The following CSMD1 variants were observed in gnomAD, a reference collection of about 807,000 sequenced individuals.
The protein encoded by CSMD1 is CUB and Sushi multiple domains 1.
Under a neutral mutation model 417.5 loss-of-function variants are expected in CSMD1, and 213 were observed. That is an observed-to-expected ratio of 0.51 (90% CI 0.46 to 0.57). CSMD1 has a LOEUF of 0.57. Ranked by LOEUF, CSMD1 falls within the 20% of genes least tolerant of loss-of-function variation. The pLI, the probability that CSMD1 is intolerant of heterozygous loss-of-function variation, is 0.00. For missense variants in CSMD1, 6,923 were observed against 4,529.7 expected, an observed-to-expected ratio of 1.53 and a Z score of -15.17; for synonymous variants, 2,862 against 1,736.8, an observed-to-expected ratio of 1.65 and a Z score of -16.11.
intron 24 of CSMD1, among the ~76,000 whole-genome samples, chr8:3,308,038 G>A (rs561653956): frequency 6.6e-6 from 1 of 151,814 alleles, no homozygotes; most frequent in Admixed American, 6.6e-5. Flanking sequence ...AGAGCATAAA[G>A]CAATAAGACA....
chr8:3,951,472 G>C (rs1365714700), intron 5 of CSMD1, among the ~76,000 whole-genome samples: 1 of 152,076 alleles, frequency 6.6e-6, no homozygotes, highest in Admixed American at 6.6e-5. Context: ...TCCGCTTGTG[G>C]GATTCCAACT....
intron 5 of CSMD1, among the ~76,000 whole-genome samples, chr8:3,841,969 C>A (rs1346261459): frequency 6.6e-6 from 1 of 152,176 alleles, no homozygotes; most frequent in African/African-American, 2.4e-5. Flanking sequence ...CTTCCAAAAG[C>A]AGTTTTTTTC....
rs530709828 is a variant in CSMD1 at position 4,362,827 on chromosome 8, G to A, written c.415+57126C>T. 1.7e-3 allele frequency among the ~76,000 whole-genome samples: 259 copies of A among 152,132 alleles called. 1 individual carries two copies. Among genetic ancestry groups the A allele is most frequent in the African/African-American group, 6.0e-3 (250 of 41,512 alleles). On this transcript the variant is annotated intron_variant, in intron 3 of 69. Coordinates refer to ENST00000635120, the MANE Select transcript of CSMD1 (RefSeq NM_033225.6). ...TATTGTAGTTTGATTTTATAATATG[G>A]GATAGTTGTTCCCCATTGGTTATCA...
At position 4,200,635 on chromosome 8, in the gene CSMD1, T is replaced by A. The variant is rs755469702; in HGVS notation, c.416-168536A>T. On this transcript the variant is annotated intron_variant, in intron 3 of 69. Coordinates refer to ENST00000635120, the MANE Select transcript of CSMD1 (RefSeq NM_033225.6). ...ACTTTGTAGGCTGAGGTGGGAGGATTTCTTGAGACTAAGAGTTCAAGACCA... is the reference window on the plus strand; with the variant it reads ...ACTTTGTAGGCTGAGGTGGGAGGATATCTTGAGACTAAGAGTTCAAGACCA... Among the ~76,000 whole-genome samples the A allele has an allele frequency of 2.4e-4, 36 of 152,252 alleles. 1 individual carries two copies. The highest frequency in any genetic ancestry group is 4.1e-4 in the Non-Finnish European group (28 of 68,024).
chr8:3,283,361 C>T (rs1584926763), intron 26 of CSMD1, among the ~76,000 whole-genome samples: 1 of 152,008 alleles, frequency 6.6e-6, no homozygotes, highest in Admixed American at 6.6e-5. Flanking sequence ...ATAGGCTCTA[C>T]ATTTATGTAG....
chr8:3,732,302 A>C (rs1362411586), intron 6 of CSMD1, among the ~76,000 whole-genome samples: 7 of 152,202 alleles, frequency 4.6e-5, no homozygotes, highest in Non-Finnish European at 8.8e-5. Flanking sequence ...CTTTCCGCTA[A>C]AAATAATTTT....
chr8:4,121,617 G>C (rs1343915761), intron 3 of CSMD1, among the ~76,000 whole-genome samples: 2 of 101,964 alleles, frequency 2.0e-5, no homozygotes, highest in East Asian at 2.5e-4. Context: ...TAAACACCTA[G>C]TTTAAAAAAA....
intron 3 of CSMD1, among the ~76,000 whole-genome samples, chr8:4,360,124 G>C (rs1026937655): frequency 6.6e-6 from 1 of 152,134 alleles, no homozygotes; most frequent in African/African-American, 2.4e-5. Context: ...CCTCTCTGCA[G>C]GTTTGGCTGT....
At chr8:3,211,634 C>T (rs576945908) in intron 30 of CSMD1, among the ~76,000 whole-genome samples, 1 of 152,216 alleles carries the variant, frequency 6.6e-6, no homozygotes, top group Non-Finnish European at 1.5e-5. Flanking sequence ...TCATCGCTCT[C>T]AGCCCTGCGA....
intron 26 of CSMD1, among the ~76,000 whole-genome samples, chr8:3,250,389 CATT>C (rs1800176388): frequency 6.6e-6 from 1 of 152,198 alleles, no homozygotes; most frequent in Non-Finnish European, 1.5e-5. Flanking sequence ...GACATGAACT[CATT>C]ATTTTTTATG....
intron 1 of CSMD1, among the ~76,000 whole-genome samples, chr8:4,664,141 G>T (rs2130928116): frequency 6.6e-6 from 1 of 152,288 alleles, no homozygotes; most frequent in Non-Finnish European, 1.5e-5. Flanking sequence ...AGGTACACCA[G>T]CTGGTAAAGA....
chr8:3,451,614 G>T (rs10093434), intron 12 of CSMD1, among the ~76,000 whole-genome samples: 93,328 of 152,058 alleles, frequency 0.61, 28,922 homozygotes, highest in African/African-American at 0.69. Flanking sequence ...TTGTCAAAGA[G>T]CAGATACTTG....
At chr8:4,594,671 C>T (rs1277193609) in intron 2 of CSMD1, among the ~76,000 whole-genome samples, 2 of 152,088 alleles carry the variant, frequency 1.3e-5, no homozygotes, top group African/African-American at 2.4e-5. Context: ...ACTCTGCTGC[C>T]CATGTGTTGC....
chr8:3,556,516 G>GCGCACACA (rs1342127511), intron 10 of CSMD1, among the ~76,000 whole-genome samples: 2 of 137,668 alleles, frequency 1.5e-5, no homozygotes, highest in Admixed American at 7.2e-5. Context: ...TTTTTCACAC[G>GCGCACACA]CACACACACA....
intron 1 of CSMD1, among the ~76,000 whole-genome samples, chr8:4,957,129 G>A (rs557886642): frequency 6.6e-6 from 1 of 152,136 alleles, no homozygotes; most frequent in Non-Finnish European, 1.5e-5. Context: ...AGTAATAAAA[G>A]CAAATGAAAT....
chr8:3,354,914 T>TATGTCTATCTATAGATCTATCTATAG lies in CSMD1; in HGVS notation c.3304+4237_3304+4238insCTATAGATAGATCTATAGATAGACAT, dbSNP rs1808669068. On this transcript the variant is annotated intron_variant, in intron 21 of 69. Coordinates refer to ENST00000635120, the MANE Select transcript of CSMD1 (RefSeq NM_033225.6). ...GTCTATCTATAGATCTATCTATAGA[T>TATGTCTATCTATAGATCTATCTATAG]ATGTCTATCTATAGATATAGATATA... Among the ~76,000 whole-genome samples, 23 of 150,844 alleles carry TATGTCTATCTATAGATCTATCTATAG rather than the reference T, an allele frequency of 1.5e-4. No homozygotes were observed. In the Admixed American group the frequency reaches 1.5e-3, roughly 10 times the overall value.
chr8:3,857,210 G>A (rs887067425), intron 5 of CSMD1, among the ~76,000 whole-genome samples: 15 of 152,120 alleles, frequency 9.9e-5, no homozygotes, highest in African/African-American at 2.4e-5. Flanking sequence ...GTACAGGAGG[G>A]AGTAATTAAT....
intron 49 of CSMD1, among the ~76,000 whole-genome samples, chr8:3,065,223 G>A (rs1427699493): frequency 2.6e-5 from 4 of 152,088 alleles, no homozygotes; most frequent in African/African-American, 9.7e-5. Flanking sequence ...ATAAATGACA[G>A]ATGATAGAGT....
chr8:3,994,447 G>GAAAAAAA (rs56184992), intron 5 of CSMD1, among the ~76,000 whole-genome samples: 3 of 119,152 alleles, frequency 2.5e-5, no homozygotes, highest in East Asian at 2.3e-4. Context: ...AATCTCTTCA[G>GAAAAAAA]AAAAAAAAAA....
Sources: allele counts gnomAD v4.1 joint callset (sites outside exome capture counted in the v4.1 genomes callset), GRCh38; gene constraint gnomAD v4.1.1; transcripts MANE v1.5; gene names NCBI Gene and HGNC (gene_info 2026-07-23, HGNC 2026-07-21).